Variants in TMEM132B observed in about 807,000 individuals in gnomAD.
The protein encoded by TMEM132B is transmembrane protein 132B.
TMEM132B carries 18 observed loss-of-function variants against 90.8 expected under a neutral mutation model. That is an observed-to-expected ratio of 0.20 (90% CI 0.14 to 0.29). TMEM132B has a LOEUF of 0.29. Ranked by LOEUF, TMEM132B falls within the 10% of genes least tolerant of loss-of-function variation. The pLI is 1.00. For missense variants in TMEM132B, 1,096 were observed against 1,326.8 expected, an observed-to-expected ratio of 0.83 and a Z score of 2.70; for synonymous variants, 504 against 523.3, an observed-to-expected ratio of 0.96 and a Z score of 0.50.
At chr12:125,509,351 CAGG>C (rs1351846717) in intron 3 of TMEM132B, among the ~76,000 whole-genome samples, 17 of 152,176 alleles carry the variant, frequency 1.1e-4, no homozygotes, top group Non-Finnish European at 2.4e-4. Context: ...TCTGCGCATG[CAGG>C]AGGATTATCC....
intron 2 of TMEM132B, among the ~76,000 whole-genome samples, chr12:125,374,832 A>G (rs998732956): frequency 2.0e-5 from 3 of 152,008 alleles, no homozygotes; most frequent in East Asian, 1.9e-4. Context: ...GATATTTCCA[A>G]TGCTCCATAC....
intron 4 of TMEM132B, among the ~76,000 whole-genome samples, chr12:125,573,191 C>T (rs1395489278): frequency 6.6e-6 from 1 of 152,048 alleles, no homozygotes; most frequent in Non-Finnish European, 1.5e-5. Flanking sequence ...ATATCTAAGC[C>T]CTCTCAGTGA....
At chr12:125,401,248 T>C (rs910358337) in intron 2 of TMEM132B, among the ~76,000 whole-genome samples, 2 of 152,130 alleles carry the variant, frequency 1.3e-5, no homozygotes, top group Admixed American at 1.3e-4. Flanking sequence ...CTCCTCCCAT[T>C]TGCCAGGCAT....
At chr12:125,245,768 C>T (rs1038344679) in intron 1 of TMEM132B, among the ~76,000 whole-genome samples, 5 of 152,262 alleles carry the variant, frequency 3.3e-5, no homozygotes, top group Middle Eastern at 3.4e-3. Flanking sequence ...CAGGCAGTGC[C>T]GGGGGAGTGC....
intron 1 of TMEM132B, among the ~76,000 whole-genome samples, chr12:125,312,239 C>T (rs1336876349): frequency 6.6e-6 from 1 of 152,234 alleles, no homozygotes; most frequent in Non-Finnish European, 1.5e-5. Context: ...GGTTTCAACC[C>T]ATTGAGTCAT....
intron 3 of TMEM132B, among the ~76,000 whole-genome samples, chr12:125,452,571 C>T (rs1409918681): frequency 6.6e-6 from 1 of 152,208 alleles, no homozygotes; most frequent in Non-Finnish European, 1.5e-5. Context: ...TCCAAAATGA[C>T]AGTAGTAGTA....
intron 4 of TMEM132B, among the ~76,000 whole-genome samples, chr12:125,571,470 CA>C (rs1335526083): frequency 6.6e-6 from 1 of 152,114 alleles, no homozygotes; most frequent in African/African-American, 2.4e-5. Flanking sequence ...TTATTATTAA[CA>C]AATAATGCAT....
Position 125,660,841 on chromosome 12 carries a change from G to A in TMEM132B, c.*6131G>A, listed in dbSNP as rs1178308630. The A allele has an allele frequency of 3.3e-5, 5 of 152,276 alleles. No homozygotes were observed. The East Asian group carries it at 9.6e-4, about 29-fold the overall frequency. 9.4% of individuals were successfully genotyped at this position (152,276 alleles called of 1,614,324 possible). A position where few individuals can be genotyped will look rare whatever the true frequency, so the allele number is the denominator to read the frequency against. ...TTCATGTTAACGACAAGAGTCTCAC[G>A]GGAGTCTCTTTAGATGCTGCAGGAA... On this transcript the variant is annotated 3_prime_UTR_variant, in exon 9 of 9. Coordinates refer to ENST00000682704, the MANE Select transcript of TMEM132B (RefSeq NM_001366854.1).
chr12:125,613,142 T>A lies in TMEM132B; in HGVS notation c.1437+29148T>A, dbSNP rs190391089. Among the ~76,000 whole-genome samples, 231 of 25,326 alleles carry A rather than the reference T, an allele frequency of 9.1e-3. 39 individuals carry two copies. Among genetic ancestry groups the A allele is most frequent in the African/African-American group, 0.024 (130 of 5,462 alleles). The allele number at this position is 25,326 out of a possible 152,430, so 16.6% of individuals were successfully genotyped here. ...ATCATATATATTTATATATTATATATAAATATATATCATATATATTTATAT... is the reference window on the plus strand; with the variant it reads ...ATCATATATATTTATATATTATATAAAAATATATATCATATATATTTATAT... On this transcript the variant is annotated intron_variant, in intron 5 of 8. Transcript: ENST00000682704.
chr12:125,569,715 A>G (rs1390160469), intron 4 of TMEM132B, among the ~76,000 whole-genome samples: 2 of 152,136 alleles, frequency 1.3e-5, no homozygotes, highest in African/African-American at 4.8e-5. Context: ...GGCACAAGGA[A>G]TGAACTGGAA....
chr12:125,641,522 T>G (rs1886630747), intron 5 of TMEM132B, among the ~76,000 whole-genome samples: 1 of 152,206 alleles, frequency 6.6e-6, no homozygotes, highest in Admixed American at 6.5e-5. Flanking sequence ...ATACACTTTT[T>G]TAAGGGTATG....
At chr12:125,425,585 C>A (rs547683753) in intron 3 of TMEM132B, among the ~76,000 whole-genome samples, 6 of 152,294 alleles carry the variant, frequency 3.9e-5, no homozygotes, top group Non-Finnish European at 7.4e-5. Context: ...AAAACCACCC[C>A]CTGTGCTCTA....
chr12:125,562,344 T>C (rs1001673995), intron 4 of TMEM132B, among the ~76,000 whole-genome samples: 5 of 152,230 alleles, frequency 3.3e-5, no homozygotes, highest in African/African-American at 9.6e-5. Context: ...CATAAGAGAA[T>C]ATGGGGATTA....
At chr12:125,309,825 T>C (rs1876080518) in intron 1 of TMEM132B, among the ~76,000 whole-genome samples, 1 of 152,214 alleles carries the variant, frequency 6.6e-6, no homozygotes, top group Admixed American at 6.5e-5. Flanking sequence ...TTTATTTTGC[T>C]CACTAGTTTA....
intron 1 of TMEM132B, among the ~76,000 whole-genome samples, chr12:125,309,685 C>T (rs187724400): frequency 1.2e-4 from 19 of 152,152 alleles, no homozygotes; most frequent in African/African-American, 4.6e-4. Flanking sequence ...TCTGGCTGAG[C>T]CCTCAAGGAA....
chr12:125,500,300 GGGGGAATCTCTGGT>G (rs1882664907), intron 3 of TMEM132B, among the ~76,000 whole-genome samples: 1 of 152,226 alleles, frequency 6.6e-6, no homozygotes, highest in African/African-American at 2.4e-5. Context: ...ATTTCAGGCT[GGGGGAATCTCTGGT>G]GGGGAATCTC....
intron 3 of TMEM132B, among the ~76,000 whole-genome samples, chr12:125,455,762 G>T (rs536279281): frequency 2.6e-4 from 40 of 152,026 alleles, no homozygotes; most frequent in Non-Finnish European, 4.7e-4. Context: ...CTTGTGGTTG[G>T]GTGGAGCCAT....
At chr12:125,389,610 T>C (rs948452346) in intron 2 of TMEM132B, among the ~76,000 whole-genome samples, 27 of 152,250 alleles carry the variant, frequency 1.8e-4, no homozygotes, top group African/African-American at 6.5e-4. Context: ...TTAAGAGAGA[T>C]ACTATAGAGC....
Position 125,658,950 on chromosome 12 carries a change from G to A in TMEM132B, c.*4240G>A, listed in dbSNP as rs895649558. The A allele has an allele frequency of 2.6e-5, 4 of 151,792 alleles. No homozygotes were observed. Among genetic ancestry groups the A allele is most frequent in the South Asian group, 2.1e-4 (1 of 4,806 alleles). The allele number at this position is 151,792 out of a possible 1,614,324, so 9.4% of individuals were successfully genotyped here. The stretch of plus-strand genomic sequence containing the variant: ...TTTTCTTTTTTTCTGGAAATATTTC[G>A]GAAATAAAGTGACTTCATTTTTCAG... On this transcript the variant is annotated 3_prime_UTR_variant, in exon 9 of 9. Coordinates refer to ENST00000682704, the MANE Select transcript of TMEM132B (RefSeq NM_001366854.1).
Sources: allele counts gnomAD v4.1 joint callset (sites outside exome capture counted in the v4.1 genomes callset), GRCh38; gene constraint gnomAD v4.1.1; transcripts MANE v1.5; gene names NCBI Gene and HGNC (gene_info 2026-07-23, HGNC 2026-07-21).